The following NSRP1 variants were observed in gnomAD, a reference collection of about 807,000 sequenced individuals.
NSRP1 encodes the protein nuclear speckle splicing regulatory protein 1, also known as coiled-coil domain containing 55.
A neutral mutation model predicts 54.7 loss-of-function variants in NSRP1; 24 were observed. The ratio of observed to expected loss-of-function variants is 0.44; its 90% CI spans 0.32 to 0.62. The LOEUF (loss-of-function observed/expected upper bound fraction) is 0.62, where lower values mean the gene tolerates loss of function less well. NSRP1 is among the 20% of genes least tolerant of loss of function. The probability of loss-of-function intolerance (pLI) is 0.06; values close to 1 mark genes in which losing one functional copy is unlikely to be tolerated. For synonymous variants in NSRP1, 210 were observed against 213.8 expected (o/e 0.98, Z 0.15); for missense variants, 596 against 651.2 (o/e 0.92, Z 0.92).
chr17:30,127,395 A>G (rs1411108530), intron 2 of NSRP1, among the ~76,000 whole-genome samples: 1 of 152,182 alleles, frequency 6.6e-6, no homozygotes, highest in Admixed American at 6.5e-5. Context: ...ATTAAGAGAT[A>G]CGATGTATAG....
chr17:30,141,905 G>A (rs1218818517), intron 2 of NSRP1, among the ~76,000 whole-genome samples: 2 of 152,190 alleles, frequency 1.3e-5, no homozygotes, highest in Non-Finnish European at 2.9e-5. Flanking sequence ...TTGGAAAACT[G>A]AGGTGGGAGG....
At chr17:30,148,722 G>A (rs2071879159) in intron 2 of NSRP1, among the ~76,000 whole-genome samples, 1 of 152,206 alleles carries the variant, frequency 6.6e-6, no homozygotes, top group Non-Finnish European at 1.5e-5. Context: ...GGCCAGAGGA[G>A]ATGGTTCTAA....
chr17:30,182,605 G>A (rs1342991812), intron 6 of NSRP1, among the ~76,000 whole-genome samples: 2 of 152,040 alleles, frequency 1.3e-5, no homozygotes, highest in South Asian at 4.1e-4. Flanking sequence ...TAGCGCCACT[G>A]CACTCCAACC....
chr17:30,143,132 A>G (rs2071821440), intron 2 of NSRP1, among the ~76,000 whole-genome samples: 1 of 152,176 alleles, frequency 6.6e-6, no homozygotes, highest in African/African-American at 2.4e-5. Flanking sequence ...CAACTTTACC[A>G]TAAAAGTCAT....
chr17:30,151,228 A>G (rs2071906504), intron 2 of NSRP1, among the ~76,000 whole-genome samples: 1 of 152,096 alleles, frequency 6.6e-6, no homozygotes, highest in Non-Finnish European at 1.5e-5. Context: ...GTTGAATTGT[A>G]GGAATTCTTT....
rs1195771622 is a variant in NSRP1, at chr17:30,170,176, A to G, written c.115-2366A>G. Reference sequence around the variant, plus strand: ...TCATGCTTTTATACAATTCAGTGTCAGTATATTTGCAAATCCTGATACTTG... The same window carrying G: ...TCATGCTTTTATACAATTCAGTGTCGGTATATTTGCAAATCCTGATACTTG... On this transcript the variant is annotated intron_variant, in intron 2 of 6. Transcript: ENST00000247026. Among the ~76,000 whole-genome samples, 4 of 152,288 alleles carry G rather than the reference A, an allele frequency of 2.6e-5. No individual in the cohort carries two copies. In the East Asian group the frequency reaches 7.7e-4, roughly 29 times the overall value.
chr17:30,151,302 G>A (rs1414843592), intron 2 of NSRP1, among the ~76,000 whole-genome samples: 3 of 151,998 alleles, frequency 2.0e-5, no homozygotes, highest in African/African-American at 7.3e-5. Context: ...AACGATAGGG[G>A]GGTTAGAGCT....
intron 2 of NSRP1, among the ~76,000 whole-genome samples, chr17:30,128,577 A>T (rs1361169745): frequency 1.3e-5 from 2 of 152,156 alleles, no homozygotes; most frequent in African/African-American, 2.4e-5. Flanking sequence ...ACTATTGTTT[A>T]CCCAATATTA....
chr17:30,151,961 G>T (rs899898781), intron 2 of NSRP1, among the ~76,000 whole-genome samples: 2 of 151,542 alleles, frequency 1.3e-5, no homozygotes, highest in South Asian at 4.2e-4. Flanking sequence ...TAGATACAGG[G>T]TTTCTCCATG....
intron 2 of NSRP1, among the ~76,000 whole-genome samples, chr17:30,131,433 C>CAAT (rs1171513342): frequency 6.6e-6 from 1 of 151,970 alleles, no homozygotes; most frequent in Non-Finnish European, 1.5e-5. Flanking sequence ...CAGACCACTG[C>CAAT]AATAAAGTAA....
intron 2 of NSRP1, among the ~76,000 whole-genome samples, chr17:30,167,078 T>G (rs553777963): frequency 1.3e-5 from 2 of 152,322 alleles, no homozygotes; most frequent in Admixed American, 1.3e-4. Flanking sequence ...ACCTTTTCAC[T>G]CTACCTCCAT....
chr17:30,118,557 G>A (rs1194114239), intron 2 of NSRP1, among the ~76,000 whole-genome samples: 1 of 151,910 alleles, frequency 6.6e-6, no homozygotes, highest in East Asian at 1.9e-4. Flanking sequence ...TCTTAACAAC[G>A]CTACTTTTTT....
At chr17:30,181,225 A>G (rs1905280650) in intron 6 of NSRP1, among the ~76,000 whole-genome samples, 1 of 152,152 alleles carries the variant, frequency 6.6e-6, no homozygotes, top group African/African-American at 2.4e-5. Flanking sequence ...TTTATTCTGC[A>G]TTTCACAGAA....
chr17:30,152,448 T>G (rs2071921227), intron 2 of NSRP1, among the ~76,000 whole-genome samples: 1 of 147,918 alleles, frequency 6.8e-6, no homozygotes, highest in South Asian at 2.1e-4. Context: ...TTTTTGGTCA[T>G]TTGGACTTTT....
chr17:30,184,491 C>A, intron 6 of NSRP1, 124 bp from the exon 7 acceptor site: 2 of 1,181,298 alleles, frequency 1.7e-6, no homozygotes, highest in African/African-American at 1.6e-5. Flanking sequence ...GATAATCAGA[C>A]AGTATATATC....
At chr17:30,118,306 G>A (rs975738704) in intron 2 of NSRP1, 133 bp downstream of exon 2, 2 of 611,236 alleles carry the variant, frequency 3.3e-6, no homozygotes, top group Admixed American at 3.1e-5. Context: ...TTGTCAAAAA[G>A]GAAGGTGTAA....
At chr17:30,159,583 C>G (rs1904436633) in intron 2 of NSRP1, among the ~76,000 whole-genome samples, 1 of 151,980 alleles carries the variant, frequency 6.6e-6, no homozygotes, top group Admixed American at 6.6e-5. Flanking sequence ...TTTCTCTGTT[C>G]AGTATGTTAG....
rs1182622312 is a variant in NSRP1, at chr17:30,178,128, A to G, written c.229A>G (p.Ser77Gly). Residue 77 changes from serine (S) to glycine (G), a missense_variant, in exon 4 of 7, where the codon AGT (serine) becomes GGT (glycine). Ser to Gly is a moderately conservative substitution (Grantham distance 56). Transcript: ENST00000247026. ...AEDATVYEYDSIYDEMQKKKE... is the reference protein window; with the variant it reads ...AEDATVYEYDGIYDEMQKKKE... Reference sequence around the variant, plus strand: ...AGATGCTACTGTGTATGAATATGACAGTATTTATGATGAAATGCAGAAAAA... The same window carrying G: ...AGATGCTACTGTGTATGAATATGACGGTATTTATGATGAAATGCAGAAAAA... 1 of 1,610,986 alleles carries G rather than the reference A, an allele frequency of 6.2e-7. No homozygotes were observed. The highest frequency in any genetic ancestry group is 1.1e-5 in the South Asian group (1 of 89,796).
intron 2 of NSRP1, among the ~76,000 whole-genome samples, chr17:30,120,010 C>T (rs1225222420): frequency 1.3e-5 from 2 of 151,912 alleles, no homozygotes; most frequent in African/African-American, 4.8e-5. Flanking sequence ...AGAACATTTC[C>T]CTCTCTCCCA....
Sources: gnomAD v4.1 joint callset for allele counts (sites outside exome capture counted in the v4.1 genomes callset) on GRCh38, gnomAD v4.1.1 for gene constraint, MANE v1.5 for transcripts, NCBI Gene and HGNC (gene_info 2026-07-23, HGNC 2026-07-21) for gene names.